The following FHL5 variants were observed in gnomAD, a reference collection of about 807,000 sequenced individuals.
FHL5 encodes the protein four and a half LIM domains 5.
FHL5 carries 33 observed loss-of-function variants against 32.0 expected under a neutral mutation model. That is an observed-to-expected ratio of 1.03 (90% confidence interval 0.78 to 1.38). FHL5 has a LOEUF of 1.38. FHL5 is among the 40% of genes most tolerant of loss of function. The pLI is 0.00. For synonymous variants in FHL5, 114 were observed against 113.6 expected, an observed-to-expected ratio of 1.00 and a Z score of -0.02; for missense variants, 336 against 343.9, an observed-to-expected ratio of 0.98 and a Z score of 0.18.
At chr6:96,564,507 C>T (rs1770312275) in intron 1 of FHL5, among the ~76,000 whole-genome samples, 3 of 152,112 alleles carry the variant, frequency 2.0e-5, no homozygotes. Flanking sequence ...TAATATAACA[C>T]CACCTCACTG....
chr6:96,575,590 G>T lies in FHL5; in HGVS notation c.-13+12235G>T, dbSNP rs115705803. Among the ~76,000 whole-genome samples the T allele has an allele frequency of 9.2e-3, 1,402 of 152,264 alleles. 21 individuals are homozygous for T. The highest frequency in any genetic ancestry group is 0.032 in the African/African-American group (1,340 of 41,546). On this transcript the variant is annotated intron_variant, in intron 1 of 5. Transcript: ENST00000450218. The stretch of plus-strand genomic sequence containing the variant: ...CCAATGGAGTAAGGGAAACAATGTG[G>T]CTCCACATGAAGTGCCTTTTGCCCA...
At chr6:96,586,895 G>A (rs1348319254) in intron 1 of FHL5, among the ~76,000 whole-genome samples, 1 of 152,206 alleles carries the variant, frequency 6.6e-6, no homozygotes, top group East Asian at 1.9e-4. Flanking sequence ...TTTTAGACAA[G>A]TGAGATCAAG....
At chr6:96,603,376 T>C (rs1052638779) in intron 1 of FHL5, among the ~76,000 whole-genome samples, 14 of 152,192 alleles carry the variant, frequency 9.2e-5, no homozygotes, top group Non-Finnish European at 1.5e-5. Context: ...TTATGCATTT[T>C]TTTTTAGCAA....
At chr6:96,610,815 ACTAT>A (rs1402998269) in intron 5 of FHL5, 57 bp downstream of exon 5, 8 of 1,228,182 alleles carry the variant, frequency 6.5e-6, no homozygotes, top group Middle Eastern at 2.0e-4. Context: ...TTTATGAAAC[ACTAT>A]CTAGTTAATT....
chr6:96,578,715 G>A (rs749850700), intron 1 of FHL5, among the ~76,000 whole-genome samples: 34 of 152,026 alleles, frequency 2.2e-4, no homozygotes, highest in South Asian at 6.2e-4. Flanking sequence ...AGTGGCATGC[G>A]CCTGTAGTCC....
chr6:96,600,265 TG>T (rs1173167100), intron 1 of FHL5, among the ~76,000 whole-genome samples: 3 of 152,208 alleles, frequency 2.0e-5, no homozygotes, highest in Non-Finnish European at 4.4e-5. Context: ...ATCAGGGAGT[TG>T]GGTAGGGTGA....
intron 1 of FHL5, among the ~76,000 whole-genome samples, chr6:96,597,109 G>A (rs753148779): frequency 6.6e-6 from 1 of 151,890 alleles, no homozygotes; most frequent in Non-Finnish European, 1.5e-5. Flanking sequence ...CTCAGTCTTT[G>A]GCTTCTCAGA....
chr6:96,575,513 T>C (rs1397366789), intron 1 of FHL5, among the ~76,000 whole-genome samples: 2 of 152,210 alleles, frequency 1.3e-5, no homozygotes, highest in African/African-American at 2.4e-5. Flanking sequence ...GACTGAGCAG[T>C]TGGAGTGAAC....
chr6:96,593,783 T>G (rs971614506), intron 1 of FHL5, among the ~76,000 whole-genome samples: 31 of 152,118 alleles, frequency 2.0e-4, no homozygotes, highest in African/African-American at 7.5e-4. Flanking sequence ...CTTTGGACTT[T>G]GCCTATTCTT....
At chr6:96,592,210 C>T (rs1770935088) in intron 1 of FHL5, among the ~76,000 whole-genome samples, 1 of 152,104 alleles carries the variant, frequency 6.6e-6, no homozygotes, top group Admixed American at 6.6e-5. Flanking sequence ...TTCATCCCTA[C>T]AGTCTTGACC....
chr6:96,592,777 G>C (rs777351448), intron 1 of FHL5, among the ~76,000 whole-genome samples: 1 of 152,100 alleles, frequency 6.6e-6, no homozygotes, highest in Non-Finnish European at 1.5e-5. Flanking sequence ...CAGTCCCTCC[G>C]TTCAGGGTCC....
Position 96,613,401 on chromosome 6 carries a change from A to T in FHL5, c.692-2208A>T, listed in dbSNP as rs1055628888. Among the ~76,000 whole-genome samples, 3 of 152,246 alleles carry T rather than the reference A, an allele frequency of 2.0e-5. No homozygotes were observed. The South Asian group carries it at 6.2e-4, about 32-fold the overall frequency. On this transcript the variant is annotated intron_variant, in intron 5 of 5. Transcript: ENST00000450218. Reference sequence around the variant, plus strand: ...TGAGATAGGATTAACCTCTTAAACTATCAGGGATAAATGAAGCTGCTTGAT... The same window carrying T: ...TGAGATAGGATTAACCTCTTAAACTTTCAGGGATAAATGAAGCTGCTTGAT...
intron 1 of FHL5, among the ~76,000 whole-genome samples, chr6:96,582,582 G>A (rs1026109432): frequency 6.6e-6 from 1 of 151,956 alleles, no homozygotes; most frequent in Non-Finnish European, 1.5e-5. Flanking sequence ...TAGCCAAATG[G>A]AAAGCTCTAG....
chr6:96,612,656 A>T (rs1490557877), intron 5 of FHL5, among the ~76,000 whole-genome samples: 1 of 152,192 alleles, frequency 6.6e-6, no homozygotes, highest in African/African-American at 2.4e-5. Context: ...CCCAAAAGTA[A>T]TCTAAATTTT....
intron 1 of FHL5, among the ~76,000 whole-genome samples, chr6:96,565,770 A>G (rs1770343007): frequency 6.6e-6 from 1 of 152,126 alleles, no homozygotes. Context: ...TTGTTTAACT[A>G]TCTCTTACAA....
At position 96,604,800 on chromosome 6, in the gene FHL5, C is replaced by T. The variant is rs1318360356; in HGVS notation, c.210C>T (p.Thr70=). Residue 70 remains threonine, a synonymous_variant, in exon 3 of 6, where the codon ACC becomes ACT. Coordinates refer to ENST00000450218, the MANE Select transcript of FHL5 (RefSeq NM_001322466.2). ...GGCATGAAGGATGCTTCAAGTGCAC[C>T]AAATGCAATCACTCTTTGGTGGAAA... ...RHWHEGCFKC[T]KCNHSLVEKP... 6.2e-7 allele frequency: 1 copy of T among 1,613,834 alleles called. No homozygotes were observed. The highest frequency in any genetic ancestry group is 1.3e-5 in the African/African-American group (1 of 74,926).
At chr6:96,607,791 T>A (rs1771316103) in intron 4 of FHL5, among the ~76,000 whole-genome samples, 1 of 151,424 alleles carries the variant, frequency 6.6e-6, no homozygotes, top group African/African-American at 2.4e-5. Flanking sequence ...AAGACCAGCC[T>A]GGGCAACATA....
chr6:96,563,268 A>G lies in FHL5; in HGVS notation c.-100A>G, dbSNP rs1318243824. The G allele has an allele frequency of 6.6e-6, 1 of 152,150 alleles. No homozygotes were observed. The allele number at this position is 152,150 out of a possible 1,614,324, so 9.4% of individuals were successfully genotyped here. On this transcript the variant is annotated 5_prime_UTR_variant, in exon 1 of 6. It removes the in-frame stop codon of an upstream open reading frame in the 5' UTR. Coordinates refer to ENST00000450218, the MANE Select transcript of FHL5 (RefSeq NM_001322466.2). Reference sequence around the variant, plus strand: ...TGACTTTCTGTTCCTTTTGGAGTTGACATGCATGTGGATTGGAGGAAAAAT... The same window carrying G: ...TGACTTTCTGTTCCTTTTGGAGTTGGCATGCATGTGGATTGGAGGAAAAAT...
At chr6:96,563,785 A>AT (rs1770296460) in intron 1 of FHL5, among the ~76,000 whole-genome samples, 2 of 152,218 alleles carry the variant, frequency 1.3e-5, no homozygotes, top group Admixed American at 6.5e-5. Context: ...TCAAGAGCAC[A>AT]TTTTGAAGTC....
Sources: gnomAD v4.1 joint callset for allele counts (sites outside exome capture counted in the v4.1 genomes callset) on GRCh38, gnomAD v4.1.1 for gene constraint, MANE v1.5 for transcripts, NCBI Gene and HGNC (gene_info 2026-07-23, HGNC 2026-07-21) for gene names.